Variants in CDH4 observed in about 807,000 individuals in gnomAD.
CDH4 encodes cadherin 4.
In CDH4, 33 loss-of-function variants were observed where a neutral mutation model predicts 86.0. That is an observed-to-expected ratio of 0.38 (90% CI 0.29 to 0.51). CDH4 has a LOEUF of 0.51. CDH4 is among the 20% of genes least tolerant of loss of function. The pLI, the probability that CDH4 is intolerant of heterozygous loss-of-function variation, is 0.86. For synonymous variants in CDH4, 555 were observed against 549.4 expected (o/e 1.01, Z -0.14); for missense variants, 1,114 against 1,307.4 (o/e 0.85, Z 2.28).
chr20:61,733,594 C>T (rs2088222636), intron 2 of CDH4, among the ~76,000 whole-genome samples: 1 of 151,844 alleles, frequency 6.6e-6, no homozygotes, highest in African/African-American at 2.4e-5. Context: ...GCTGACTGCC[C>T]AGCACCCAGG....
chr20:61,318,412 C>A (rs180715191), intron 2 of CDH4, among the ~76,000 whole-genome samples: 3,948 of 152,270 alleles, frequency 0.026, 173 homozygotes, highest in African/African-American at 0.088. Context: ...AAAACCTAAG[C>A]GTGTGACAAT....
intron 2 of CDH4, among the ~76,000 whole-genome samples, chr20:61,530,831 C>T (rs1436964479): frequency 6.6e-6 from 1 of 152,080 alleles, no homozygotes; most frequent in African/African-American, 2.4e-5. Context: ...GTATCTCCAG[C>T]CTCTTGCAGC....
Position 61,767,321 on chromosome 20 carries a change from A to T in CDH4, c.397-5682A>T, listed in dbSNP as rs113128735. On this transcript the variant is annotated intron_variant, in intron 3 of 15. Transcript: ENST00000614565. ...TTTGCTCCATAGAAAGTGAGTGGCT[A>T]TCAGGGCCCTGCTGCCCCCACCGGG... is the stretch of plus-strand genomic sequence containing the variant. 2.0e-5 allele frequency among the ~76,000 whole-genome samples: 3 copies of T among 152,166 alleles called. No individual in the cohort carries two copies. In the East Asian group the frequency reaches 5.8e-4, roughly 29 times the overall value.
At chr20:61,361,309 G>A (rs955928979) in intron 2 of CDH4, among the ~76,000 whole-genome samples, 2 of 152,190 alleles carry the variant, frequency 1.3e-5, no homozygotes, top group Non-Finnish European at 2.9e-5. Flanking sequence ...TGGGAGTGGG[G>A]GAGGATGAGG....
chr20:61,801,850 G>T (rs1401875163), intron 4 of CDH4, among the ~76,000 whole-genome samples: 1 of 152,202 alleles, frequency 6.6e-6, no homozygotes, highest in Non-Finnish European at 1.5e-5. Flanking sequence ...AGGGGCCCCT[G>T]GGAAATCCAG....
rs78298644 is a variant in CDH4, at chr20:61,624,845, G to A, written c.170-118718G>A. ...CTGGCATGGGGGATAGTACAGACCC[G>A]CTCGGAGAGCCCCTCACCGCCTGCC... On this transcript the variant is annotated intron_variant, in intron 2 of 15. Coordinates refer to ENST00000614565, the MANE Select transcript of CDH4 (RefSeq NM_001794.5). 3.9e-5 allele frequency among the ~76,000 whole-genome samples: 6 copies of A among 152,176 alleles called. No homozygotes were observed. In the South Asian group the frequency reaches 1.2e-3, roughly 31 times the overall value.
intron 5 of CDH4, among the ~76,000 whole-genome samples, chr20:61,849,913 C>T (rs1982636896): frequency 6.6e-6 from 1 of 152,184 alleles, no homozygotes; most frequent in African/African-American, 2.4e-5. Flanking sequence ...CACCTGACAT[C>T]CTTGGGGCCA....
Position 61,928,319 on chromosome 20 carries a change from C to G in CDH4, c.1901C>G (p.Thr634Arg). Residue 634 changes from threonine (T) to arginine (R), a missense_variant, in exon 12 of 16, where the codon ACG becomes AGG. This residue lies in a region of CDH4 where 705 missense variants were observed against 914.1 expected (regional missense o/e 0.77). Transcript: ENST00000614565. Reference sequence around the variant, plus strand: ...CCCAACCTGAACGCCATCAACATCACGGCGGCCGACGCTGACGTCGACCCC... The same window carrying G: ...CCCAACCTGAACGCCATCAACATCAGGGCGGCCGACGCTGACGTCGACCCC... Reference protein sequence around the residue: ...EKPNLNAINITAADADVDPNI... With the variant: ...EKPNLNAINIRAADADVDPNI... The G allele has an allele frequency of 6.2e-7, 1 of 1,609,682 alleles. No individual in the cohort carries two copies.
At position 61,844,710 on chromosome 20, in the gene CDH4, A is replaced by G. The variant is rs781210364; in HGVS notation, c.619A>G (p.Ile207Val). The change falls in exon 5 of 16, where the codon ATC becomes GTC. Residue 207 changes from isoleucine to valine, a missense_variant. Around this residue, in one of 3 missense-constraint regions of CDH4, gnomAD observed 705 missense variants for 914.1 expected, o/e 0.77. Coordinates refer to ENST00000614565, the MANE Select transcript of CDH4 (RefSeq NM_001794.5). ...CAATGACATCCCCATCCGGTACAGCATCACGGGAGTGGGCGCCGACCAGCC... is the reference window on the plus strand; with the variant it reads ...CAATGACATCCCCATCCGGTACAGCGTCACGGGAGTGGGCGCCGACCAGCC... The part of the protein sequence containing the change: ...KDNDIPIRYS[I>V]TGVGADQPPM... 7.9e-5 allele frequency: 128 copies of G among 1,613,844 alleles called. No individual in the cohort carries two copies. The highest frequency in any genetic ancestry group is 1.0e-4 in the Non-Finnish European group (122 of 1,179,908).
chr20:61,839,945 TGTGTGCATG>T (rs1357773621), intron 4 of CDH4, among the ~76,000 whole-genome samples: 1 of 129,268 alleles, frequency 7.7e-6, no homozygotes, highest in Non-Finnish European at 1.9e-5. Context: ...TATGTGCATT[TGTGTGCATG>T]GTGTGTGTGT....
intron 2 of CDH4, among the ~76,000 whole-genome samples, chr20:61,284,607 A>G (rs937615748): frequency 6.6e-6 from 1 of 152,226 alleles, no homozygotes; most frequent in Non-Finnish European, 1.5e-5. Context: ...ACATATGCCT[A>G]GCATGTGCTT....
intron 2 of CDH4, among the ~76,000 whole-genome samples, chr20:61,506,561 G>A (rs1219300414): frequency 6.6e-6 from 1 of 152,200 alleles, no homozygotes; most frequent in Non-Finnish European, 1.5e-5. Flanking sequence ...GGGCAGAATT[G>A]TATCAGAGAA....
rs1032487593 is a variant in CDH4 at position 61,681,121 on chromosome 20, G to A, written c.170-62442G>A. Among the ~76,000 whole-genome samples, 3 of 152,144 alleles carry A rather than the reference G, an allele frequency of 2.0e-5. No individual in the cohort carries two copies. The highest frequency in any genetic ancestry group is 4.4e-5 in the Non-Finnish European group (3 of 68,024). On this transcript the variant is annotated intron_variant, in intron 2 of 15. Coordinates refer to ENST00000614565, the MANE Select transcript of CDH4 (RefSeq NM_001794.5). The surrounding 1 kb of genome is among the most constrained non-coding windows in gnomAD (Gnocchi z 4.5). ...ATCGCTTGAGGGCATTGTGGATGTG[G>A]GCCCTCCAGAATTCAAGAAAATGTC...
At chr20:61,385,847 T>G (rs1052363200) in intron 2 of CDH4, among the ~76,000 whole-genome samples, 6 of 152,158 alleles carry the variant, frequency 3.9e-5, no homozygotes, top group Non-Finnish European at 7.3e-5. Context: ...AGCCCCCGAG[T>G]GCCCAGGCCT....
At chr20:61,505,134 T>C (rs1259051907) in intron 2 of CDH4, among the ~76,000 whole-genome samples, 1 of 152,146 alleles carries the variant, frequency 6.6e-6, no homozygotes, top group Non-Finnish European at 1.5e-5. Flanking sequence ...GGGAGGTGGG[T>C]GACGCAAGCG....
intron 7 of CDH4, among the ~76,000 whole-genome samples, chr20:61,875,404 T>C (rs1011691491): frequency 4.6e-5 from 7 of 151,948 alleles, no homozygotes; most frequent in African/African-American, 1.7e-4. Flanking sequence ...CAGCACGGGC[T>C]CAGGACTCAG....
chr20:61,699,315 C>T (rs1036318347), intron 2 of CDH4, among the ~76,000 whole-genome samples: 50 of 152,308 alleles, frequency 3.3e-4, no homozygotes, highest in African/African-American at 9.9e-4. Context: ...GTCTGTGGTG[C>T]TCACACCTCG....
intron 2 of CDH4, among the ~76,000 whole-genome samples, chr20:61,585,904 T>C (rs1382279514): frequency 6.6e-6 from 1 of 150,984 alleles, no homozygotes; most frequent in Non-Finnish European, 1.5e-5. Context: ...ATGGTGCTGA[T>C]TGTGGTGATG....
chr20:61,290,878 G>C lies in CDH4; in HGVS notation c.169+35941G>C, dbSNP rs147577485. ...ATATTCCTGAAAAATCTAAGGGTCTGATGTTAGCTTCAGGCATGGCTGGAT... is the reference window on the plus strand; with the variant it reads ...ATATTCCTGAAAAATCTAAGGGTCTCATGTTAGCTTCAGGCATGGCTGGAT... On this transcript the variant is annotated intron_variant, in intron 2 of 15. Transcript: ENST00000614565. Among the ~76,000 whole-genome samples, 18 of 152,334 alleles carry C rather than the reference G, an allele frequency of 1.2e-4. No individual in the cohort carries two copies. The East Asian group carries it at 3.5e-3, about 29-fold the overall frequency.
Sources: gnomAD v4.1 joint callset for allele counts (sites outside exome capture counted in the v4.1 genomes callset) on GRCh38, gnomAD v4.1.1 for gene constraint, gnomAD v4.1.1 regional missense constraint, Gnocchi (gnomAD v3.1) non-coding constraint, MANE v1.5 for transcripts, NCBI Gene and HGNC (gene_info 2026-07-23, HGNC 2026-07-21) for gene names.